PALLD: variants seen among roughly 807,000 people sequenced by gnomAD.
PALLD encodes the protein palladin.
A neutral mutation model predicts 123.5 loss-of-function variants in PALLD; 61 were observed. The ratio of observed to expected loss-of-function variants is 0.49; its 90% CI spans 0.40 to 0.61. PALLD has a LOEUF of 0.61. PALLD is among the 20% of genes least tolerant of loss of function. The pLI is 0.00. For missense variants in PALLD, 1,273 were observed against 1,377.0 expected, an observed-to-expected ratio of 0.92 and a Z score of 1.20; for synonymous variants, 465 against 496.4, an observed-to-expected ratio of 0.94 and a Z score of 0.84.
chr4:168,589,533 C>A (rs1771189487), intron 2 of PALLD, among the ~76,000 whole-genome samples: 1 of 152,152 alleles, frequency 6.6e-6, no homozygotes. Flanking sequence ...GTACCCACTC[C>A]CACCAACCCC....
chr4:168,915,986 C>G lies in PALLD; in HGVS notation c.2809C>G (p.Leu937Val). 5 of 1,613,818 alleles carry G rather than the reference C, an allele frequency of 3.1e-6. No homozygotes were observed. Among genetic ancestry groups the G allele is most frequent in the Non-Finnish European group, 4.2e-6 (5 of 1,179,720 alleles). The change falls in exon 17 of 22, where the codon CTG becomes GTG. Residue 937 changes from leucine (L) to valine (V), a missense_variant. Leu to Val is a conservative substitution (Grantham distance 32). Transcript: ENST00000505667. ...RPHFLQAPGD[L>V]TVQEGKLCRM... The stretch of plus-strand genomic sequence containing the variant: ...TCACTTCTTGCAGGCTCCTGGAGAT[C>G]TGACTGTTCAAGAAGGAAAACTCTG...
At chr4:168,591,680 TC>T (rs1375783665) in intron 2 of PALLD, among the ~76,000 whole-genome samples, 1 of 152,214 alleles carries the variant, frequency 6.6e-6, no homozygotes, top group African/African-American at 2.4e-5. Context: ...TATTGATGTA[TC>T]TTTTTAAACT....
In PALLD at chr4:168,574,961, T is replaced by C. The variant is rs557487175; in HGVS notation, c.908+62549T>C. Among the ~76,000 whole-genome samples the C allele has an allele frequency of 7.2e-5, 11 of 152,272 alleles. 1 individual carries two copies. The South Asian group carries it at 2.1e-3, about 29-fold the overall frequency. On this transcript the variant is annotated intron_variant, in intron 2 of 21. Transcript: ENST00000505667. The stretch of plus-strand genomic sequence containing the variant: ...CAACATTCACCAGCATATTATGTCC[T>C]GTCTTTTCCCAATTGTTCTATCTGC...
intron 10 of PALLD, among the ~76,000 whole-genome samples, chr4:168,861,093 TTTTG>T (rs2151028194): frequency 6.6e-6 from 1 of 152,332 alleles, no homozygotes; most frequent in East Asian, 1.9e-4. Flanking sequence ...AGGAAATATT[TTTTG>T]TTTGTTTTAG....
chr4:168,741,342 T>TG (rs1788307542), intron 10 of PALLD, among the ~76,000 whole-genome samples: 5 of 101,600 alleles, frequency 4.9e-5, no homozygotes, highest in African/African-American at 2.2e-4. Context: ...TTATATTTGT[T>TG]TTTTTTGTGT....
At chr4:168,697,003 C>A (rs1210654680) in intron 8 of PALLD, among the ~76,000 whole-genome samples, 1 of 152,148 alleles carries the variant, frequency 6.6e-6, no homozygotes, top group Non-Finnish European at 1.5e-5. Flanking sequence ...GACCCAGGCA[C>A]GTCATCATGA....
chr4:168,512,379 G>A lies in PALLD; in HGVS notation c.875G>A (p.Cys292Tyr), dbSNP rs965456977. 1.1e-5 allele frequency: 17 copies of A among 1,613,652 alleles called. No individual in the cohort carries two copies. Among genetic ancestry groups the A allele is most frequent in the African/African-American group, 2.7e-5 (2 of 74,922 alleles). ...GAAGGGAGCCGAGTTTATCTGGAGT[G>A]TAGAGTCACTGGAAACCCCACTCCT... ...VAEGSRVYLE[C>Y]RVTGNPTPRV... is the part of the protein sequence containing the mutation. The change falls in exon 2 of 22, where the codon TGT (cysteine) becomes TAT (tyrosine). Residue 292 changes from cysteine (C) to tyrosine (Y), a missense_variant. By Grantham distance (194) the Cys-to-Tyr change is radical. This residue lies in a region of PALLD where 944 missense variants were observed against 954.5 expected (regional missense o/e 0.99). Transcript: ENST00000505667.
intron 2 of PALLD, among the ~76,000 whole-genome samples, chr4:168,608,073 A>T (rs77777428): frequency 0.14 from 21,485 of 152,234 alleles, 1,916 homozygotes; most frequent in East Asian, 0.48. Flanking sequence ...CCGTTTTTAC[A>T]ATTCCAAAGA....
At chr4:168,661,051 T>C (rs1045591746) in intron 2 of PALLD, among the ~76,000 whole-genome samples, 8 of 152,144 alleles carry the variant, frequency 5.3e-5, no homozygotes, top group African/African-American at 1.9e-4. Flanking sequence ...ACTACAGGCA[T>C]GCACCACCAT....
At chr4:168,908,540 C>A (rs1436346992) in intron 15 of PALLD, among the ~76,000 whole-genome samples, 3 of 151,990 alleles carry the variant, frequency 2.0e-5, no homozygotes, top group Non-Finnish European at 4.4e-5. Flanking sequence ...ATATAGTAAT[C>A]CCAAAAGCAT....
chr4:168,586,534 A>G (rs1770839601), intron 2 of PALLD, among the ~76,000 whole-genome samples: 1 of 152,172 alleles, frequency 6.6e-6, no homozygotes, highest in South Asian at 2.1e-4. Flanking sequence ...TAGAACTGGT[A>G]AAACTGAGAT....
chr4:168,927,954 T>G lies in PALLD; in HGVS notation c.*1774T>G, dbSNP rs568499819. The stretch of plus-strand genomic sequence containing the variant: ...GGCCTCTCTTAGCTCAGTTACTCAA[T>G]TCATACGTAGTATTTTTTAAAATAA... On this transcript the variant is annotated 3_prime_UTR_variant, in exon 22 of 22. Transcript: ENST00000505667. 5.0e-6 allele frequency: 1 copy of G among 198,162 alleles called. No homozygotes were observed. The highest frequency in any genetic ancestry group is 8.0e-5 in the East Asian group (1 of 12,562). 12.3% of individuals were successfully genotyped at this position (198,162 alleles called of 1,614,324 possible).
intron 8 of PALLD, among the ~76,000 whole-genome samples, chr4:168,701,953 T>A (rs1783712671): frequency 6.6e-6 from 1 of 152,222 alleles, no homozygotes; most frequent in Non-Finnish European, 1.5e-5. Context: ...AAGGGGCTGT[T>A]AAGCATGTCC....
chr4:168,643,605 A>G (rs1218400595), intron 2 of PALLD, among the ~76,000 whole-genome samples: 1 of 151,994 alleles, frequency 6.6e-6, no homozygotes, highest in Non-Finnish European at 1.5e-5. Flanking sequence ...CCCTCCGCTA[A>G]TGAACACTTT....
intron 10 of PALLD, among the ~76,000 whole-genome samples, chr4:168,717,599 C>A (rs983463183): frequency 6.6e-6 from 1 of 152,176 alleles, no homozygotes; most frequent in African/African-American, 2.4e-5. Flanking sequence ...GATGCACCCA[C>A]CTCGGCCTCC....
rs137946526 is a variant in PALLD, at chr4:168,879,139, A to G, written c.1965-11783A>G. Among the ~76,000 whole-genome samples, 201 of 152,276 alleles carry G rather than the reference A, an allele frequency of 1.3e-3. 1 individual carries two copies. The highest frequency in any genetic ancestry group is 3.4e-3 in the Middle Eastern group (1 of 294). On this transcript the variant is annotated intron_variant, in intron 10 of 21. Coordinates refer to ENST00000505667, the MANE Select transcript of PALLD (RefSeq NM_001166108.2). ...TCCCTGGCCTGTGACCTCGAGATAC[A>G]TTACATGCCTCCTCTATCTCTTTCT...
chr4:168,828,008 T>C (rs1156378495), intron 10 of PALLD, among the ~76,000 whole-genome samples: 2 of 152,268 alleles, frequency 1.3e-5, no homozygotes, highest in East Asian at 3.9e-4. Flanking sequence ...GCCATTGCAC[T>C]CCAGCCCGGG....
rs779026124 is a variant in PALLD at position 168,608,491 on chromosome 4, T to C, written c.909-59699T>C. On this transcript the variant is annotated intron_variant, in intron 2 of 21. Coordinates refer to ENST00000505667, the MANE Select transcript of PALLD (RefSeq NM_001166108.2). ...GAATCCATATCCAAAATTCTTGCAATACATAATGTAAGCGTTCATTGAAGT... is the reference window on the plus strand; with the variant it reads ...GAATCCATATCCAAAATTCTTGCAACACATAATGTAAGCGTTCATTGAAGT... Among the ~76,000 whole-genome samples the C allele has an allele frequency of 4.0e-4, 61 of 152,344 alleles. 1 individual carries two copies. The Middle Eastern group carries it at 0.01, about 25-fold the overall frequency.
chr4:168,785,365 A>G (rs1373698246), intron 10 of PALLD, among the ~76,000 whole-genome samples: 1 of 152,174 alleles, frequency 6.6e-6, no homozygotes, highest in Non-Finnish European at 1.5e-5. Context: ...TCACTCGGCT[A>G]GAACATGCTG....
Sources: gnomAD v4.1 joint callset for allele counts (sites outside exome capture counted in the v4.1 genomes callset) on GRCh38, gnomAD v4.1.1 for gene constraint, gnomAD v4.1.1 regional missense constraint, MANE v1.5 for transcripts, NCBI Gene and HGNC (gene_info 2026-07-23, HGNC 2026-07-21) for gene names.